IGSF11: variants seen among roughly 807,000 people sequenced by gnomAD.
IGSF11 encodes immunoglobulin superfamily member 11.
A neutral mutation model predicts 41.0 loss-of-function variants in IGSF11; 22 were observed. The observed-to-expected ratio is 0.54, with a 90% CI of 0.38 to 0.77. The LOEUF is 0.77. IGSF11 is among the 30% of genes least tolerant of loss of function. IGSF11 has a pLI of 0.00. For synonymous variants in IGSF11, 219 were observed against 201.3 expected (o/e 1.09, Z -0.74); for missense variants, 444 against 530.8 (o/e 0.84, Z 1.61).
chr3:118,954,357 CT>C (rs1178572930), intron 1 of IGSF11, among the ~76,000 whole-genome samples: 2 of 152,006 alleles, frequency 1.3e-5, no homozygotes, highest in Non-Finnish European at 2.9e-5. Context: ...CAGATTTGTT[CT>C]TTTTACTTAG....
intron 4 of IGSF11, 103 bp from the exon 5 acceptor site, chr3:118,905,821 C>A: frequency 1.5e-6 from 2 of 1,312,834 alleles, no homozygotes; most frequent in African/African-American, 1.5e-5. Context: ...GGAGAGCTAT[C>A]AATAAATTTC....
intron 1 of IGSF11, among the ~76,000 whole-genome samples, chr3:119,128,877 C>T (rs1252049558): frequency 3.3e-5 from 5 of 152,172 alleles, no homozygotes; most frequent in Admixed American, 3.3e-4. Context: ...ATTTTTATTG[C>T]ACCACTATTT....
intron 1 of IGSF11, among the ~76,000 whole-genome samples, chr3:119,084,234 G>C (rs2076633750): frequency 6.6e-6 from 1 of 152,058 alleles, no homozygotes; most frequent in African/African-American, 2.4e-5. Context: ...AAATGTGGAA[G>C]GTGAAAAGGC....
intron 1 of IGSF11, among the ~76,000 whole-genome samples, chr3:119,033,234 G>A (rs192742570): frequency 6.6e-6 from 1 of 152,256 alleles, no homozygotes; most frequent in East Asian, 1.9e-4. Context: ...AGCTGTTCTT[G>A]TAATATTGGT....
intron 1 of IGSF11, among the ~76,000 whole-genome samples, chr3:118,932,444 G>A (rs866196563): frequency 9.2e-5 from 14 of 152,184 alleles, no homozygotes; most frequent in African/African-American, 3.1e-4. Context: ...CGTATAGTCT[G>A]ATGATGTTCT....
chr3:118,962,495 C>T (rs1318806722), intron 1 of IGSF11, among the ~76,000 whole-genome samples: 1 of 151,976 alleles, frequency 6.6e-6, no homozygotes, highest in Non-Finnish European at 1.5e-5. Flanking sequence ...CTGGAGAGGT[C>T]ACTGGTGGGA....
chr3:118,942,402 T>C (rs1385392822), intron 1 of IGSF11, among the ~76,000 whole-genome samples: 3 of 152,246 alleles, frequency 2.0e-5, no homozygotes, highest in South Asian at 2.1e-4. Flanking sequence ...CATACTCTTA[T>C]GCTGCTATCT....
intron 1 of IGSF11, among the ~76,000 whole-genome samples, chr3:118,996,379 T>C (rs1936269699): frequency 6.6e-6 from 1 of 152,164 alleles, no homozygotes; most frequent in Non-Finnish European, 1.5e-5. Flanking sequence ...AAAATTTGTT[T>C]CATTTATCCA....
intron 1 of IGSF11, among the ~76,000 whole-genome samples, chr3:119,025,464 G>C (rs966375618): frequency 6.8e-6 from 1 of 147,132 alleles, no homozygotes; most frequent in Admixed American, 6.8e-5. Flanking sequence ...AGCACTTGCT[G>C]TATGTCAGGC....
intron 4 of IGSF11, 96 bp downstream of exon 4, chr3:118,926,005 G>T: frequency 2.3e-6 from 2 of 870,010 alleles, no homozygotes; most frequent in Non-Finnish European, 3.3e-6. Flanking sequence ...CAGTTATAGG[G>T]TGTTATTTTT....
At chr3:119,043,521 T>G (rs1198475554) in intron 1 of IGSF11, among the ~76,000 whole-genome samples, 2 of 152,182 alleles carry the variant, frequency 1.3e-5, no homozygotes, top group Non-Finnish European at 2.9e-5. Flanking sequence ...CTGATTCCAT[T>G]GCCGGCAACA....
At chr3:119,074,062 A>C (rs1043875760) in intron 1 of IGSF11, among the ~76,000 whole-genome samples, 1 of 152,238 alleles carries the variant, frequency 6.6e-6, no homozygotes, top group Non-Finnish European at 1.5e-5. Flanking sequence ...CCACACAGTA[A>C]TAGTGGGAGA....
At chr3:118,923,618 G>A (rs747007321) in intron 4 of IGSF11, among the ~76,000 whole-genome samples, 2 of 152,096 alleles carry the variant, frequency 1.3e-5, no homozygotes, top group Non-Finnish European at 2.9e-5. Context: ...TTATTGGAAC[G>A]CTAAGCATGT....
At chr3:119,051,596 AT>A (rs1398084393) in intron 1 of IGSF11, among the ~76,000 whole-genome samples, 6 of 152,220 alleles carry the variant, frequency 3.9e-5, no homozygotes, top group Non-Finnish European at 5.9e-5. Context: ...CAAAGAAACA[AT>A]GGAATTAAAC....
Position 118,939,803 on chromosome 3 carries a change from T to A in IGSF11, c.53-9528A>T, listed in dbSNP as rs943754934. ...CCTAAGTTTCCACCTTAAGAAACTT[T>A]TTAAAAATTAATTTAAATTAAATCA... is the stretch of plus-strand genomic sequence containing the variant. On this transcript the variant is annotated intron_variant, in intron 1 of 6. Transcript: ENST00000393775. Among the ~76,000 whole-genome samples, 7 of 152,122 alleles carry A rather than the reference T, an allele frequency of 4.6e-5. No individual in the cohort carries two copies. In the East Asian group the frequency reaches 1.3e-3, roughly 29 times the overall value.
chr3:118,921,474 A>G lies in IGSF11; in HGVS notation c.580+4627T>C, dbSNP rs1057202291. Reference sequence around the variant, plus strand: ...GACTAAATACAGAGTTTAAAACTTCATAAGAGAATAATGATGGTAATTTAA... The same window carrying G: ...GACTAAATACAGAGTTTAAAACTTCGTAAGAGAATAATGATGGTAATTTAA... On this transcript the variant is annotated intron_variant, in intron 4 of 6. Transcript: ENST00000393775. Among the ~76,000 whole-genome samples, 11 of 152,334 alleles carry G rather than the reference A, an allele frequency of 7.2e-5. 1 individual carries two copies. Among genetic ancestry groups the G allele is most frequent in the East Asian group, 1.9e-4 (1 of 5,188 alleles).
At chr3:118,911,940 A>G (rs1940371692) in intron 4 of IGSF11, among the ~76,000 whole-genome samples, 1 of 152,184 alleles carries the variant, frequency 6.6e-6, no homozygotes, top group Admixed American at 6.5e-5. Flanking sequence ...CACAGAGTTC[A>G]CAGGCAAGCA....
chr3:118,945,215 A>G (rs1472927086), intron 1 of IGSF11, among the ~76,000 whole-genome samples: 1 of 152,220 alleles, frequency 6.6e-6, no homozygotes, highest in Non-Finnish European at 1.5e-5. Context: ...AAAAAACCAG[A>G]AAACAGAGGA....
intron 1 of IGSF11, among the ~76,000 whole-genome samples, chr3:119,048,459 T>A: frequency 6.6e-6 from 1 of 152,146 alleles, no homozygotes; most frequent in Non-Finnish European, 1.5e-5. Flanking sequence ...AGAAGGTGAA[T>A]CTCTGAATAA....
Sources: allele counts gnomAD v4.1 joint callset (sites outside exome capture counted in the v4.1 genomes callset), GRCh38; gene constraint gnomAD v4.1.1; transcripts MANE v1.5; gene names NCBI Gene and HGNC (gene_info 2026-07-23, HGNC 2026-07-21).